Variants in VAT1L observed in about 807,000 individuals in gnomAD.
The protein encoded by VAT1L is vesicle amine transport 1 like.
In VAT1L, 34 loss-of-function variants were observed where a neutral mutation model predicts 44.1. The observed-to-expected ratio is 0.77, with a 90% CI of 0.59 to 1.03. The LOEUF (loss-of-function observed/expected upper bound fraction) is 1.03. Among genes scored for constraint, VAT1L ranks in the 50% least tolerant of loss-of-function variants. The pLI is 0.00. For synonymous variants in VAT1L, 253 were observed against 202.2 expected (o/e 1.25, Z -2.13); for missense variants, 615 against 538.8 (o/e 1.14, Z -1.40).
In VAT1L at chr16:77,938,094, G is replaced by C. The variant is rs1380049355; in HGVS notation, c.1078-33756G>C. ...ACTAAATAGACTGTGTCTACATGTG[G>C]ACCACTTGGGACCAGTTCCTGAGCT... On this transcript the variant is annotated intron_variant, in intron 7 of 8. Transcript: ENST00000302536. 2.6e-5 allele frequency among the ~76,000 whole-genome samples: 4 copies of C among 152,150 alleles called. No homozygotes were observed. The East Asian group carries it at 7.7e-4, about 29-fold the overall frequency.
chr16:77,848,549 T>G (rs1377399314), intron 3 of VAT1L, among the ~76,000 whole-genome samples: 1 of 152,200 alleles, frequency 6.6e-6, no homozygotes, highest in Non-Finnish European at 1.5e-5. Context: ...AAGCCCTTAC[T>G]GAGGTCATCT....
chr16:77,921,871 G>A (rs898315589), intron 7 of VAT1L, among the ~76,000 whole-genome samples: 3 of 151,970 alleles, frequency 2.0e-5, no homozygotes, highest in African/African-American at 7.3e-5. Flanking sequence ...AGCCTCCCGA[G>A]TAGCTGGGAC....
At chr16:77,911,484 C>A (rs931935019) in intron 7 of VAT1L, among the ~76,000 whole-genome samples, 7 of 152,188 alleles carry the variant, frequency 4.6e-5, no homozygotes. Flanking sequence ...TGGACCCTCC[C>A]TCGGCCTCAC....
chr16:77,842,615 C>T (rs1480298039), intron 3 of VAT1L, among the ~76,000 whole-genome samples: 1 of 152,116 alleles, frequency 6.6e-6, no homozygotes, highest in African/African-American at 2.4e-5. Flanking sequence ...CTGTAAGAAT[C>T]GGGTATGGCC....
intron 7 of VAT1L, among the ~76,000 whole-genome samples, chr16:77,962,523 T>G (rs531028601): frequency 6.6e-6 from 1 of 152,052 alleles, no homozygotes; most frequent in Admixed American, 6.6e-5. Flanking sequence ...CAGAACCCAG[T>G]TGGAGTCCCC....
chr16:77,843,382 C>G (rs2016726678), intron 3 of VAT1L, among the ~76,000 whole-genome samples: 1 of 152,146 alleles, frequency 6.6e-6, no homozygotes, highest in African/African-American at 2.4e-5. Context: ...ACTCCCAGAT[C>G]TCCAGAGCCC....
chr16:77,938,464 G>A (rs560983325), intron 7 of VAT1L, among the ~76,000 whole-genome samples: 2 of 152,202 alleles, frequency 1.3e-5, no homozygotes, highest in Non-Finnish European at 2.9e-5. Flanking sequence ...CAGTGTTGGA[G>A]GAGGGGCTGG....
intron 1 of VAT1L, among the ~76,000 whole-genome samples, chr16:77,790,146 C>T (rs1346363159): frequency 2.0e-5 from 3 of 152,156 alleles, no homozygotes; most frequent in Admixed American, 6.5e-5. Context: ...TGAGAACAGA[C>T]GCAGGTTTCA....
chr16:77,978,049 A>C lies in VAT1L; in HGVS notation c.*354A>C, dbSNP rs1409956626. 4.6e-6 allele frequency: 1 copy of C among 218,174 alleles called. No homozygotes were observed. The highest frequency in any genetic ancestry group is 9.3e-6 in the Non-Finnish European group (1 of 107,484). 13.5% of individuals were successfully genotyped at this position (218,174 alleles called of 1,614,324 possible). The stretch of plus-strand genomic sequence containing the variant: ...GTGGGCAAAGACAAGTTTGGATGGA[A>C]AGGTGTTATCACAGAGCCCTGTCCA... On this transcript the variant is annotated 3_prime_UTR_variant, in exon 9 of 9. Transcript: ENST00000302536.
intron 1 of VAT1L, among the ~76,000 whole-genome samples, chr16:77,814,829 C>G (rs142301163): frequency 9.2e-5 from 14 of 152,316 alleles, no homozygotes; most frequent in African/African-American, 2.6e-4. Context: ...AGCTGTGAAA[C>G]TGTTTTTAAC....
At chr16:77,882,324 T>C (rs1013784072) in intron 6 of VAT1L, 2 of 152,252 alleles carry the variant, frequency 1.3e-5, no homozygotes, top group African/African-American at 2.4e-5. Flanking sequence ...TTGTCAAACA[T>C]GCTATTTTCT....
chr16:77,902,040 C>T (rs1247256489), intron 7 of VAT1L, among the ~76,000 whole-genome samples: 1 of 152,196 alleles, frequency 6.6e-6, no homozygotes, highest in Non-Finnish European at 1.5e-5. Context: ...AGTGTTTTCA[C>T]ATAATATAAA....
chr16:77,930,329 G>C (rs945764626), intron 7 of VAT1L, among the ~76,000 whole-genome samples: 5 of 152,158 alleles, frequency 3.3e-5, no homozygotes, highest in Admixed American at 6.5e-5. Flanking sequence ...TGTTCTTTGG[G>C]GGGACATGGC....
intron 7 of VAT1L, among the ~76,000 whole-genome samples, chr16:77,970,002 C>T (rs1366627259): frequency 7.0e-6 from 1 of 141,848 alleles, no homozygotes; most frequent in Non-Finnish European, 1.5e-5. Context: ...TCACTTGAGG[C>T]CAACAGTTCA....
At chr16:77,835,121 T>C (rs1021052126) in intron 3 of VAT1L, among the ~76,000 whole-genome samples, 3 of 152,190 alleles carry the variant, frequency 2.0e-5, no homozygotes, top group African/African-American at 7.2e-5. Flanking sequence ...TTGTGTCTGG[T>C]TCCTGCCACG....
chr16:77,919,408 A>G (rs1177318160), intron 7 of VAT1L, among the ~76,000 whole-genome samples: 2 of 152,254 alleles, frequency 1.3e-5, no homozygotes, highest in Non-Finnish European at 2.9e-5. Flanking sequence ...TGAAGTGTTC[A>G]GCAACAGTGT....
rs1018931224 is a variant in VAT1L at position 77,938,255 on chromosome 16, C to T, written c.1078-33595C>T. Among the ~76,000 whole-genome samples the T allele has an allele frequency of 5.9e-5, 9 of 152,180 alleles. No homozygotes were observed. The South Asian group carries it at 1.9e-3, about 32-fold the overall frequency. On this transcript the variant is annotated intron_variant, in intron 7 of 8. Coordinates refer to ENST00000302536, the MANE Select transcript of VAT1L (RefSeq NM_020927.3). ...CTAAATGTGTCTTATGTCTCCCTTG[C>T]CTGCTGGATCCTGATTCAACAGATA...
At chr16:77,880,381 A>C (rs1393179531) in intron 6 of VAT1L, among the ~76,000 whole-genome samples, 2 of 151,844 alleles carry the variant, frequency 1.3e-5, no homozygotes, top group Admixed American at 1.3e-4. Context: ...GCTGGTTTTG[A>C]ATTCCCGGGC....
intron 3 of VAT1L, among the ~76,000 whole-genome samples, chr16:77,828,600 T>A (rs1363521987): frequency 6.6e-6 from 1 of 151,708 alleles, no homozygotes; most frequent in Non-Finnish European, 1.5e-5. Flanking sequence ...GAGGCAGAGG[T>A]TGCAGTGAGC....
Sources: gnomAD v4.1 joint callset for allele counts (sites outside exome capture counted in the v4.1 genomes callset) on GRCh38, gnomAD v4.1.1 for gene constraint, MANE v1.5 for transcripts, NCBI Gene and HGNC (gene_info 2026-07-23, HGNC 2026-07-21) for gene names.